MED21: variants seen among roughly 807,000 people sequenced by gnomAD.
MED21 encodes the protein mediator complex subunit 21, also known as mediator of RNA polymerase II transcription subunit 21.
A neutral mutation model predicts 18.2 loss-of-function variants in MED21; 9 were observed. That is an observed-to-expected ratio of 0.49 (90% CI 0.30 to 0.86). MED21 has a LOEUF of 0.86. Among genes scored for constraint, MED21 ranks in the 40% least tolerant of loss-of-function variants. MED21 has a pLI of 0.07. For missense variants in MED21, 150 were observed against 170.9 expected, an observed-to-expected ratio of 0.88 and a Z score of 0.68; for synonymous variants, 73 against 60.5, an observed-to-expected ratio of 1.21 and a Z score of -0.96.
intron 2 of MED21, among the ~76,000 whole-genome samples, chr12:27,026,756 AT>A (rs1258763869): frequency 6.6e-6 from 1 of 152,222 alleles, no homozygotes; most frequent in Non-Finnish European, 1.5e-5. Context: ...TTAGAGGAGA[AT>A]TTGTATTAAT....
chr12:27,027,495 A>T, intron 3 of MED21, 48 bp downstream of exon 3: 1 of 1,396,078 alleles, frequency 7.2e-7, no homozygotes, highest in Non-Finnish European at 1.0e-6. Flanking sequence ...GAGAATTTTG[A>T]ATTAAAGGAG....
At chr12:27,033,221 T>A (rs556830442), downstream of MED21, among the ~76,000 whole-genome samples, 2 of 152,212 alleles carry the variant, frequency 1.3e-5, no homozygotes, top group Admixed American at 1.3e-4. Flanking sequence ...CAATATAAAT[T>A]TACTTCCCAC....
At chr12:27,031,902 C>T (rs1941621817), downstream of MED21, among the ~76,000 whole-genome samples, 1 of 152,082 alleles carries the variant, frequency 6.6e-6, no homozygotes, top group South Asian at 2.1e-4. Flanking sequence ...TCAGCCAAGG[C>T]GTGCGTACCC....
At position 27,029,644 on chromosome 12, in the gene MED21, C is replaced by CAGCGTT. The variant is rs1447954553; in HGVS notation, c.*1187_*1192dup. 1 of 985,256 alleles carries CAGCGTT rather than the reference C, an allele frequency of 1.0e-6. No individual in the cohort carries two copies. The highest frequency in any genetic ancestry group is 1.2e-6 in the Non-Finnish European group (1 of 829,934). The allele number at this position is 985,256 out of a possible 1,614,324, so 61.0% of individuals were successfully genotyped here. On this transcript the variant is annotated 3_prime_UTR_variant, in exon 4 of 4. Coordinates refer to ENST00000282892, the MANE Select transcript of MED21 (RefSeq NM_004264.5). ...ACTATGTTTCAAATTTCAGGAACACCAGCGTTAGCTGTAAAAGTTGCAGCA... is the reference window on the plus strand; with the variant it reads ...ACTATGTTTCAAATTTCAGGAACACCAGCGTTAGCGTTAGCTGTAAAAGTTGCAGCA...
At chr12:27,035,578 T>TCCCTCCC (rs1294085677), downstream of MED21, among the ~76,000 whole-genome samples, 1 of 116,476 alleles carries the variant, frequency 8.6e-6, no homozygotes, top group African/African-American at 3.3e-5. Flanking sequence ...CCTAATGCTA[T>TCCCTCCC]CCCTCCCCCC....
chr12:27,027,660 G>T (rs1306247673), intron 3 of MED21, among the ~76,000 whole-genome samples: 2 of 152,176 alleles, frequency 1.3e-5, no homozygotes, highest in Non-Finnish European at 2.9e-5. Context: ...CATGAGTAAT[G>T]AATTTTTATT....
rs558949644 is a variant in MED21, at chr12:27,028,827, A to G, written c.*366A>G. 81 of 994,346 alleles carry G rather than the reference A, an allele frequency of 8.1e-5. 1 individual carries two copies. In the African/African-American group the frequency reaches 1.4e-3, roughly 17 times the overall value. The allele number at this position is 994,346 out of a possible 1,614,324, so 61.6% of individuals were successfully genotyped here. ...ATCAAAACATCTCTCAAGCCAAAGG[A>G]GAAGACAGTAAGAACAGACATAAGG... On this transcript the variant is annotated 3_prime_UTR_variant, in exon 4 of 4. Coordinates refer to ENST00000282892, the MANE Select transcript of MED21 (RefSeq NM_004264.5).
chr12:27,034,285 T>C (rs1941636624), downstream of MED21, among the ~76,000 whole-genome samples: 1 of 151,788 alleles, frequency 6.6e-6, no homozygotes, highest in East Asian at 2.0e-4. Context: ...GGCATGGTGG[T>C]GGGCGCCTGT....
At chr12:27,024,508 C>T (rs1425478005) in intron 1 of MED21, among the ~76,000 whole-genome samples, 1 of 152,170 alleles carries the variant, frequency 6.6e-6, no homozygotes, top group Non-Finnish European at 1.5e-5. Flanking sequence ...AGCCAGCCTT[C>T]CTCAGGGAAC....
At chr12:27,023,307 T>TTTTC (rs1941500261) in intron 1 of MED21, among the ~76,000 whole-genome samples, 1 of 145,166 alleles carries the variant, frequency 6.9e-6, no homozygotes, top group African/African-American at 2.5e-5. Context: ...TTTCTTTTTT[T>TTTTC]TTTTTTTTTT....
rs201357492 is a variant in MED21, at chr12:27,022,661, C to T, written c.42+40C>T. On this transcript the variant is annotated intron_variant, in intron 1 of 3. Transcript: ENST00000282892. ...TCGATTAGCCTCTGTCTTTCTCTTT[C>T]TTGAGGTAAAGCAAGGGAGGAAAGG... is the stretch of plus-strand genomic sequence containing the variant. The T allele has an allele frequency of 1.8e-4, 298 of 1,611,152 alleles. No individual in the cohort carries two copies. The African/African-American group carries it at 3.5e-3, about 19-fold the overall frequency.
At chr12:27,037,311 A>G (rs1941655493) in intron 2 of MED21, 1 of 151,922 alleles carries the variant, frequency 6.6e-6, no homozygotes, top group Non-Finnish European at 1.5e-5. Flanking sequence ...ACTTTGCTGA[A>G]GTTGCTTATC....
chr12:27,036,140 G>A (rs1000244688), intron 2 of MED21, among the ~76,000 whole-genome samples: 48 of 152,214 alleles, frequency 3.2e-4, no homozygotes, highest in Admixed American at 2.7e-3. Context: ...TCTAACTGGT[G>A]TGAGATGATA....
Position 27,028,455 on chromosome 12 carries a change from C to T in MED21, c.429C>T (p.Asp143=). The stretch of plus-strand genomic sequence containing the variant: ...GTACCCATAGCCAGTCTCTTCCAGA[C>T]TCATAGCATCAGTGGATACCATGTG... The part of the protein sequence containing the change: ...RSGTHSQSLP[D]S Residue 143 remains aspartate (D), a synonymous_variant, in exon 4 of 4, where the codon GAC becomes GAT. Coordinates refer to ENST00000282892, the MANE Select transcript of MED21 (RefSeq NM_004264.5). The T allele has an allele frequency of 6.2e-7, 1 of 1,613,466 alleles. No homozygotes were observed.
At chr12:27,035,259 C>G (rs188317918), downstream of MED21, among the ~76,000 whole-genome samples, 690 of 152,120 alleles carry the variant, frequency 4.5e-3, 21 homozygotes, top group Admixed American at 0.042. Flanking sequence ...AGCCACCAAG[C>G]CTAGAGAGTT....
downstream of MED21, among the ~76,000 whole-genome samples, chr12:27,035,559 G>C (rs1941644795): frequency 6.8e-6 from 1 of 147,618 alleles, no homozygotes; most frequent in Admixed American, 6.7e-5. Context: ...TTTAGCATTA[G>C]GTATATCTCC....
intron 1 of MED21, 72 bp downstream of exon 1, chr12:27,022,693 A>C (rs746828527): frequency 6.2e-7 from 1 of 1,611,938 alleles, no homozygotes; most frequent in African/African-American, 1.3e-5. Context: ...AAGGGGCCCA[A>C]GAGGCAAAAC....
rs1224031774 is a variant in MED21 at position 27,028,683 on chromosome 12, G to A, written c.*222G>A. ...AGCATCATACCATCATTTTTTAACT[G>A]AGTGAAATTATTAAGGCATGTAATA... On this transcript the variant is annotated 3_prime_UTR_variant, in exon 4 of 4. Transcript: ENST00000282892. The A allele has an allele frequency of 5.8e-6, 7 of 1,203,618 alleles. 1 individual carries two copies. The highest frequency in any genetic ancestry group is 3.6e-5 in the South Asian group (1 of 27,630). The allele number at this position is 1,203,618 out of a possible 1,614,324, so 74.6% of individuals were successfully genotyped here.
At chr12:27,038,943 T>C (rs1941665453) in intron 2 of MED21, 1 of 152,170 alleles carries the variant, frequency 6.6e-6, no homozygotes, top group Admixed American at 6.6e-5. Context: ...AAAGCTGTTA[T>C]AAAAAATATT....
Sources: gnomAD v4.1 joint callset for allele counts (sites outside exome capture counted in the v4.1 genomes callset) on GRCh38, gnomAD v4.1.1 for gene constraint, MANE v1.5 for transcripts, NCBI Gene and HGNC (gene_info 2026-07-23, HGNC 2026-07-21) for gene names.